Variants in ZNF362 observed in about 807,000 individuals in gnomAD.
The protein encoded by ZNF362 is zinc finger protein 362, also known as rotund homolog.
In ZNF362, 11 loss-of-function variants were observed where a neutral mutation model predicts 42.9. The ratio of observed to expected loss-of-function variants is 0.26; its 90% confidence interval spans 0.16 to 0.42. ZNF362 has a LOEUF of 0.42. ZNF362 is among the 20% of genes least tolerant of loss of function. The pLI, the probability that ZNF362 is intolerant of heterozygous loss-of-function variation, is 1.00. For missense variants in ZNF362, 362 were observed against 576.2 expected, an observed-to-expected ratio of 0.63 and a Z score of 3.81; for synonymous variants, 255 against 257.3, an observed-to-expected ratio of 0.99 and a Z score of 0.09.
chr1:33,164,536 G>A, the ZNF362 span: 1 of 152,386 alleles, frequency 6.6e-6, no homozygotes, highest in Non-Finnish European at 1.5e-5. Flanking sequence ...CACACAGTGA[G>A]TTAGTGGTGG....
the ZNF362 span, chr1:33,181,515 G>A: frequency 6.8e-7 from 1 of 1,462,222 alleles, no homozygotes. This position sits in a 1 kb window ranked among gnomAD's most constrained non-coding sequence, Gnocchi z 6.5. Flanking sequence ...CAGCACCGAG[G>A]GCTGGGCGCG....
At chr1:33,174,962 TATATATAC>T in the ZNF362 span, among the ~76,000 whole-genome samples, 1,552 of 102,404 alleles carry the variant, frequency 0.015, 32 homozygotes, top group African/African-American at 0.053. Flanking sequence ...TATATATATA[TATATATAC>T]ACACATATAC....
chr1:33,257,714 G>A (rs949999994), intron 1 of ZNF362, among the ~76,000 whole-genome samples: 1 of 152,174 alleles, frequency 6.6e-6, no homozygotes, highest in African/African-American at 2.4e-5. Context: ...ATGGGTCCAG[G>A]ATTTCCAGCA....
At chr1:33,160,694 C>T in the ZNF362 span, among the ~76,000 whole-genome samples, 1 of 152,262 alleles carries the variant, frequency 6.6e-6, no homozygotes, top group Non-Finnish European at 1.5e-5. Flanking sequence ...CGTGAGCCAT[C>T]GTGCCCGGCT....
rs1645989945 is a variant in ZNF362 at position 33,281,016 on chromosome 1, C to A, written c.683+559C>A. 6.6e-6 allele frequency among the ~76,000 whole-genome samples: 1 copy of A among 152,078 alleles called. No individual in the cohort carries two copies. Among genetic ancestry groups the A allele is most frequent in the Non-Finnish European group, 1.5e-5 (1 of 68,016 alleles). On this transcript the variant is annotated intron_variant, in intron 5 of 8. Transcript: ENST00000539719. The surrounding 1 kb of genome is among the most constrained non-coding windows in gnomAD (Gnocchi z 4.8). ...CTTGGGAGGCAGAGGCTGCAGTGAG[C>A]CGAGGTCGGGCCACTGCACTCCAAC...
the ZNF362 span, among the ~76,000 whole-genome samples, chr1:33,175,166 G>A: frequency 1.3e-5 from 2 of 151,430 alleles, no homozygotes; most frequent in East Asian, 1.9e-4. Context: ...AGCCTCCCGA[G>A]TAGCTGGGAT....
the ZNF362 span, among the ~76,000 whole-genome samples, chr1:33,233,648 C>A: frequency 1.3e-5 from 2 of 152,352 alleles, no homozygotes; most frequent in African/African-American, 2.4e-5. Context: ...AAATGATCAG[C>A]CTGCCTCGGC....
chr1:33,270,202 A>G (rs528889812), intron 1 of ZNF362, among the ~76,000 whole-genome samples: 1 of 152,240 alleles, frequency 6.6e-6, no homozygotes, highest in East Asian at 1.9e-4. Flanking sequence ...GAAGAGTTTG[A>G]AGTCTGGTGG....
chr1:33,295,065 C>T (rs374036094), intron 7 of ZNF362, 50 bp downstream of exon 7: 4 of 1,610,900 alleles, frequency 2.5e-6, no homozygotes, highest in Non-Finnish European at 3.4e-6. Flanking sequence ...TGCCCCCCCA[C>T]CCACCCCCAC....
chr1:33,266,984 G>A lies in ZNF362; in HGVS notation c.-88-3503G>A, dbSNP rs748856624. 2.6e-5 allele frequency among the ~76,000 whole-genome samples: 4 copies of A among 152,132 alleles called. No homozygotes were observed. Among genetic ancestry groups the A allele is most frequent in the African/African-American group, 7.2e-5 (3 of 41,426 alleles). ...TAGCGCCCTGGGAAGGCTCTCCTTC[G>A]GCTTGGTCCTCCCCGCTGGGGCCCC... is the stretch of plus-strand genomic sequence containing the variant. On this transcript the variant is annotated intron_variant, in intron 1 of 8. Coordinates refer to ENST00000539719, the MANE Select transcript of ZNF362 (RefSeq NM_152493.3). The surrounding 1 kb of genome is among the most constrained non-coding windows in gnomAD (Gnocchi z 4.3).
chr1:33,167,475 G>A, the ZNF362 span, among the ~76,000 whole-genome samples: 4 of 152,144 alleles, frequency 2.6e-5, no homozygotes, highest in Non-Finnish European at 5.9e-5. The surrounding 1 kb of genome is among the most constrained non-coding windows in gnomAD (Gnocchi z 4.2). Context: ...TTGTATTATC[G>A]CCAGTTGTTC....
At chr1:33,216,839 G>A in the ZNF362 span, among the ~76,000 whole-genome samples, 2 of 151,920 alleles carry the variant, frequency 1.3e-5, no homozygotes, top group African/African-American at 4.8e-5. Context: ...GGTGGCTGGA[G>A]GGGCTGGGCA....
chr1:33,281,828 C>T lies in ZNF362; in HGVS notation c.908+17C>T. 6.2e-7 allele frequency: 1 copy of T among 1,611,876 alleles called. No individual in the cohort carries two copies. The highest frequency in any genetic ancestry group is 8.5e-7 in the Non-Finnish European group (1 of 1,178,256). ...GCACACCAGGTGAGTGGCCTGCCTG[C>T]TGCCCTGCTGCAGCCCGACTCAGCT... On this transcript the variant is annotated intron_variant, in intron 6 of 8. Coordinates refer to ENST00000539719, the MANE Select transcript of ZNF362 (RefSeq NM_152493.3). This position sits in a 1 kb window ranked among gnomAD's most constrained non-coding sequence, Gnocchi z 4.8.
chr1:33,212,714 C>T, the ZNF362 span, among the ~76,000 whole-genome samples: 1 of 152,102 alleles, frequency 6.6e-6, no homozygotes, highest in African/African-American at 2.4e-5. Context: ...CTTGTGTGAA[C>T]TCATTCATCA....
the ZNF362 span, chr1:33,146,168 A>G: frequency 3.9e-4 from 100 of 256,424 alleles, no homozygotes; most frequent in African/African-American, 2.1e-3. Flanking sequence ...CTCTTCCAAC[A>G]ATTTTGCAAG....
chr1:33,161,220 T>C, the ZNF362 span, among the ~76,000 whole-genome samples: 3 of 152,186 alleles, frequency 2.0e-5, no homozygotes, highest in African/African-American at 7.2e-5. The surrounding 1 kb of genome is among the most constrained non-coding windows in gnomAD (Gnocchi z 4.3). Flanking sequence ...CCGGAAGTCT[T>C]CATTGAGAGA....
At chr1:33,233,919 AT>A in the ZNF362 span, among the ~76,000 whole-genome samples, 1 of 152,320 alleles carries the variant, frequency 6.6e-6, no homozygotes, top group Non-Finnish European at 1.5e-5. Context: ...AGATGGGGAT[AT>A]TTAATAGTTT....
At chr1:33,136,116 TTCCTTCCTTCCTTCC>T in the ZNF362 span, among the ~76,000 whole-genome samples, 14 of 30,734 alleles carry the variant, frequency 4.6e-4, no homozygotes, top group African/African-American at 1.5e-3. Flanking sequence ...GGGCCAGCCC[TTCCTTCCTTCCTTCC>T]TTCCTTCCTT....
chr1:33,170,175 C>T, the ZNF362 span, among the ~76,000 whole-genome samples: 2 of 152,102 alleles, frequency 1.3e-5, no homozygotes, highest in African/African-American at 4.8e-5. Flanking sequence ...ACTAAAAATA[C>T]AAAAATTAGC....
Sources: gnomAD v4.1 joint callset for allele counts (sites outside exome capture counted in the v4.1 genomes callset) on GRCh38, gnomAD v4.1.1 for gene constraint, Gnocchi (gnomAD v3.1) non-coding constraint, MANE v1.5 for transcripts, NCBI Gene and HGNC (gene_info 2026-07-23, HGNC 2026-07-21) for gene names.